The following LTBP1 variants were observed in gnomAD, a reference collection of about 807,000 sequenced individuals.
LTBP1 encodes latent transforming growth factor beta binding protein 1, also known as latent-transforming growth factor beta-binding protein 1.
LTBP1 carries 129 observed loss-of-function variants against 207.6 expected under a neutral mutation model. The observed-to-expected ratio is 0.62, with a 90% confidence interval of 0.54 to 0.72. The LOEUF (loss-of-function observed/expected upper bound fraction) is 0.72. LTBP1 is among the 30% of genes least tolerant of loss of function. The probability of loss-of-function intolerance (pLI) is 0.00; values close to 1 mark genes in which losing one functional copy is unlikely to be tolerated. For missense variants in LTBP1, 2,281 were observed against 2,217.2 expected (o/e 1.03, Z -0.58); for synonymous variants, 963 against 833.7 (o/e 1.16, Z -2.67).
At chr2:33,307,149 C>G (rs1435112475) in intron 22 of LTBP1, among the ~76,000 whole-genome samples, 1 of 152,184 alleles carries the variant, frequency 6.6e-6, no homozygotes, top group East Asian at 1.9e-4. Flanking sequence ...GTAGAGCTGT[C>G]AGAGTAAATG....
chr2:32,979,425 T>G (rs1480698107), intron 2 of LTBP1, among the ~76,000 whole-genome samples: 2 of 152,128 alleles, frequency 1.3e-5, no homozygotes, highest in African/African-American at 4.8e-5. Context: ...TTAAAAAAAT[T>G]CCTTCTTAAC....
intron 7 of LTBP1, among the ~76,000 whole-genome samples, chr2:33,195,483 A>T (rs904953835): frequency 6.6e-5 from 10 of 152,202 alleles, no homozygotes; most frequent in Non-Finnish European, 1.2e-4. Flanking sequence ...GTCACTACAG[A>T]TATGGTGGAA....
Position 33,257,492 on chromosome 2 carries a change from A to T in LTBP1, c.2376A>T (p.Pro792=). The change falls in exon 12 of 34, where the codon CCA becomes CCT. Residue 792 remains proline, a synonymous_variant. Coordinates refer to ENST00000404816, the MANE Select transcript of LTBP1 (RefSeq NM_206943.4). ...EALTFSREHG[P]GVAEPEVATA... ...TGACCTTCTCCCGGGAACACGGGCC[A>T]GGAGTGGCGGAGCCAGAAGGTGAGA... 6.2e-7 allele frequency: 1 copy of T among 1,614,150 alleles called. No individual in the cohort carries two copies. Among genetic ancestry groups the T allele is most frequent in the South Asian group, 1.1e-5 (1 of 91,092 alleles).
chr2:33,063,041 A>G (rs1271223568), intron 3 of LTBP1: 1 of 152,252 alleles, frequency 6.6e-6, no homozygotes, highest in Non-Finnish European at 1.5e-5. Flanking sequence ...AGCAGAAAGC[A>G]AACCACAGAT....
At chr2:33,290,215 A>G (rs1018653064) in intron 19 of LTBP1, among the ~76,000 whole-genome samples, 2 of 152,232 alleles carry the variant, frequency 1.3e-5, no homozygotes, top group Middle Eastern at 3.2e-3. Flanking sequence ...ACATTCATCT[A>G]TCTTAATGAA....
intron 24 of LTBP1, among the ~76,000 whole-genome samples, chr2:33,328,511 G>A (rs2094456987): frequency 6.6e-6 from 1 of 152,166 alleles, no homozygotes; most frequent in Non-Finnish European, 1.5e-5. Context: ...GGAAGGCAAA[G>A]GAAGAGCAGG....
chr2:33,201,003 T>A lies in LTBP1; in HGVS notation c.1701+12152T>A, dbSNP rs560561009. Among the ~76,000 whole-genome samples the A allele has an allele frequency of 5.3e-5, 8 of 152,234 alleles. No homozygotes were observed. The East Asian group carries it at 5.8e-4, about 11-fold the overall frequency. ...CAGGTGCTGGAGAGGATGTGGAGAA[T>A]TAGGTACACTTTTACACTGTTGGTG... On this transcript the variant is annotated intron_variant, in intron 7 of 33. Transcript: ENST00000404816.
At chr2:33,232,725 C>T (rs1387028060) in intron 9 of LTBP1, among the ~76,000 whole-genome samples, 2 of 152,118 alleles carry the variant, frequency 1.3e-5, no homozygotes, top group Non-Finnish European at 2.9e-5. Context: ...TGACTGCTAT[C>T]TTGTATTTTT....
intron 31 of LTBP1, 147 bp downstream of exon 31, chr2:33,365,650 TA>T: frequency 1.1e-5 from 8 of 741,356 alleles, no homozygotes; most frequent in Non-Finnish European, 1.7e-5. Context: ...TGTGTGTGTG[TA>T]GGGCAGAACT....
At chr2:33,352,930 A>G (rs2094801569) in intron 26 of LTBP1, among the ~76,000 whole-genome samples, 1 of 149,266 alleles carries the variant, frequency 6.7e-6, no homozygotes, top group Non-Finnish European at 1.5e-5. Flanking sequence ...TGCCACTACT[A>G]ACTCTTCTGC....
intron 3 of LTBP1, among the ~76,000 whole-genome samples, chr2:33,057,956 G>C (rs918929901): frequency 2.0e-5 from 3 of 152,264 alleles, no homozygotes; most frequent in Non-Finnish European, 4.4e-5. Flanking sequence ...GAGCGAGCGA[G>C]GGCTGCGAGG....
At chr2:32,977,105 GAT>G (rs1225854036) in intron 2 of LTBP1, among the ~76,000 whole-genome samples, 3 of 152,266 alleles carry the variant, frequency 2.0e-5, no homozygotes, top group Admixed American at 6.5e-5. Context: ...GCAGAATTCA[GAT>G]AGAAGAAGGA....
At chr2:33,339,837 G>C (rs182011248) in intron 24 of LTBP1, among the ~76,000 whole-genome samples, 1 of 151,834 alleles carries the variant, frequency 6.6e-6, no homozygotes, top group Non-Finnish European at 1.5e-5. Context: ...TAGAGACGGG[G>C]TTTCTCCAAG....
intron 15 of LTBP1, among the ~76,000 whole-genome samples, chr2:33,272,179 C>T (rs567140587): frequency 3.9e-5 from 6 of 152,320 alleles, no homozygotes; most frequent in Non-Finnish European, 8.8e-5. Context: ...GTTTTGGTTT[C>T]GGAGAGCAAC....
chr2:33,372,799 G>A (rs1049136159), intron 31 of LTBP1, among the ~76,000 whole-genome samples: 1 of 152,144 alleles, frequency 6.6e-6, no homozygotes, highest in Non-Finnish European at 1.5e-5. Flanking sequence ...AGGAGGCGGA[G>A]GTTGCAGTGA....
chr2:33,306,036 C>T (rs541446176), intron 22 of LTBP1, among the ~76,000 whole-genome samples: 1 of 152,086 alleles, frequency 6.6e-6, no homozygotes, highest in Non-Finnish European at 1.5e-5. Context: ...TTTCGCACTA[C>T]CCCAGGTGGT....
chr2:33,320,363 C>G (rs1056101592), intron 24 of LTBP1, among the ~76,000 whole-genome samples: 2 of 144,608 alleles, frequency 1.4e-5, no homozygotes, highest in African/African-American at 5.2e-5. Flanking sequence ...GCAAGACTGC[C>G]TCAAAAAGAA....
chr2:33,283,590 C>A (rs1420156317), intron 19 of LTBP1, among the ~76,000 whole-genome samples: 1 of 152,024 alleles, frequency 6.6e-6, no homozygotes, highest in Non-Finnish European at 1.5e-5. Flanking sequence ...GCGCCCGCCA[C>A]CACGCCTGGC....
intron 10 of LTBP1, among the ~76,000 whole-genome samples, chr2:33,251,092 C>T (rs2092671336): frequency 6.6e-6 from 1 of 152,180 alleles, no homozygotes; most frequent in African/African-American, 2.4e-5. Flanking sequence ...ACGCTGCCCT[C>T]GGGCCCAAAG....
Sources: gnomAD v4.1 joint callset for allele counts (sites outside exome capture counted in the v4.1 genomes callset) on GRCh38, gnomAD v4.1.1 for gene constraint, MANE v1.5 for transcripts, NCBI Gene and HGNC (gene_info 2026-07-23, HGNC 2026-07-21) for gene names.